The following XKR3 variants were observed in gnomAD, a reference collection of about 807,000 sequenced individuals.
The protein encoded by XKR3 is XK-related protein 3.
A neutral mutation model predicts 40.3 loss-of-function variants in XKR3; 27 were observed. That is an observed-to-expected ratio of 0.67 (90% CI 0.49 to 0.92). The LOEUF is 0.92. Among genes scored for constraint, XKR3 ranks in the 40% least tolerant of loss-of-function variants. The pLI, the probability that XKR3 is intolerant of heterozygous loss-of-function variation, is 0.00. For missense variants in XKR3, 472 were observed against 537.6 expected (o/e 0.88, Z 1.21); for synonymous variants, 193 against 195.4 (o/e 0.99, Z 0.10).
chr22:16,788,077 C>T (rs1223119025), intron 3 of XKR3, among the ~76,000 whole-genome samples: 1 of 152,122 alleles, frequency 6.6e-6, no homozygotes, highest in Admixed American at 6.6e-5. Flanking sequence ...ATATATCATA[C>T]ATTAGGCCAA....
At chr22:16,793,885 T>C (rs1305755510) in intron 3 of XKR3, among the ~76,000 whole-genome samples, 1 of 152,026 alleles carries the variant, frequency 6.6e-6, no homozygotes, top group Non-Finnish European at 1.5e-5. Flanking sequence ...AACTTCACAA[T>C]AAGAACATTA....
chr22:16,794,200 A>C (rs1479782681), intron 3 of XKR3, among the ~76,000 whole-genome samples: 8 of 152,202 alleles, frequency 5.3e-5, no homozygotes, highest in Non-Finnish European at 7.3e-5. Flanking sequence ...TAAAATAGAG[A>C]ACCCCAGCCA....
chr22:16,797,792 CAAAA>C (rs558060655), intron 3 of XKR3, among the ~76,000 whole-genome samples: 1 of 88,008 alleles, frequency 1.1e-5, no homozygotes, highest in Non-Finnish European at 2.3e-5. Context: ...GACTCTGTCT[CAAAA>C]AAAAAAAAAA....
chr22:16,797,955 C>G (rs1322032205), intron 3 of XKR3, among the ~76,000 whole-genome samples: 1 of 151,812 alleles, frequency 6.6e-6, no homozygotes, highest in Admixed American at 6.6e-5. Flanking sequence ...GGGTGGATAA[C>G]CTGAGGTCAG....
intron 1 of XKR3, 119 bp from the exon 2 acceptor site, chr22:16,808,202 G>A: frequency 1.5e-6 from 1 of 689,224 alleles, no homozygotes; most frequent in Non-Finnish European, 2.3e-6. Context: ...AGGTAGATAT[G>A]GATCACTAAT....
At chr22:16,797,677 C>T (rs930261260) in intron 3 of XKR3, among the ~76,000 whole-genome samples, 7 of 151,262 alleles carry the variant, frequency 4.6e-5, no homozygotes, top group African/African-American at 1.5e-4. Context: ...CCTGTGGTCC[C>T]AGCTGCTTGG....
chr22:16,816,581 A>T (rs2060234722), intron 1 of XKR3, among the ~76,000 whole-genome samples: 1 of 151,896 alleles, frequency 6.6e-6, no homozygotes, highest in African/African-American at 2.4e-5. Flanking sequence ...CCTGCTAAAA[A>T]ATAAAAATAA....
intron 3 of XKR3, among the ~76,000 whole-genome samples, chr22:16,787,151 A>C (rs2060094120): frequency 6.6e-6 from 1 of 152,124 alleles, no homozygotes; most frequent in African/African-American, 2.4e-5. Context: ...CCAAGCAGAA[A>C]AACTCAAGGA....
chr22:16,811,932 C>G (rs1299327892), intron 1 of XKR3, among the ~76,000 whole-genome samples: 1 of 151,974 alleles, frequency 6.6e-6, no homozygotes, highest in Admixed American at 6.5e-5. Flanking sequence ...TGGTGTGAAC[C>G]CGGGAGGCAG....
intron 3 of XKR3, among the ~76,000 whole-genome samples, chr22:16,785,340 AGT>A (rs1463050894): frequency 6.6e-6 from 1 of 151,602 alleles, no homozygotes; most frequent in African/African-American, 2.4e-5. Context: ...AAAAAAAAGA[AGT>A]GTGTGTGTGC....
intron 3 of XKR3, among the ~76,000 whole-genome samples, chr22:16,793,929 C>A (rs1451599187): frequency 2.6e-5 from 4 of 152,114 alleles, no homozygotes; most frequent in Non-Finnish European, 4.4e-5. Context: ...GGGGAATAGA[C>A]CAAGCTGAGG....
In XKR3 at chr22:16,799,239, C is replaced by T. The variant is rs184945294; in HGVS notation, c.589+532G>A. Among the ~76,000 whole-genome samples the T allele has an allele frequency of 7.0e-4, 106 of 151,258 alleles. No individual in the cohort carries two copies. The East Asian group carries it at 0.018, about 26-fold the overall frequency. On this transcript the variant is annotated intron_variant, in intron 3 of 3. Transcript: ENST00000684488. ...CCATCCTGGCTAACACAGTGAAACC[C>T]GATCTCTACTAAAAATATGAAAAAA...
At chr22:16,797,577 G>C (rs1372816771) in intron 3 of XKR3, among the ~76,000 whole-genome samples, 2 of 151,954 alleles carry the variant, frequency 1.3e-5, no homozygotes, top group African/African-American at 4.8e-5. Flanking sequence ...CAGATCACGA[G>C]GTCAGGAGAT....
chr22:16,786,025 T>C (rs2060089097), intron 3 of XKR3, among the ~76,000 whole-genome samples: 1 of 152,214 alleles, frequency 6.6e-6, no homozygotes, highest in African/African-American at 2.4e-5. Flanking sequence ...CCTTAAGGAA[T>C]ACTCAAAGTG....
intron 2 of XKR3, 150 bp from the exon 3 acceptor site, chr22:16,800,174 G>A (rs1176643128): frequency 1.2e-6 from 1 of 852,168 alleles, no homozygotes; most frequent in African/African-American, 1.7e-5. Flanking sequence ...TAAAAAATAA[G>A]TTTCTAACAG....
chr22:16,798,080 T>G (rs2060150165), intron 3 of XKR3, among the ~76,000 whole-genome samples: 1 of 150,494 alleles, frequency 6.6e-6, no homozygotes, highest in Non-Finnish European at 1.5e-5. Context: ...CCTGGGAGGC[T>G]GAGGCAGGAG....
At chr22:16,790,711 T>A (rs1358911467) in intron 3 of XKR3, among the ~76,000 whole-genome samples, 1 of 152,064 alleles carries the variant, frequency 6.6e-6, no homozygotes, top group East Asian at 1.9e-4. Context: ...AAATAGAAGT[T>A]AAATTTTAAA....
intron 3 of XKR3, among the ~76,000 whole-genome samples, chr22:16,798,626 G>T (rs192646063): frequency 6.6e-6 from 1 of 152,140 alleles, no homozygotes; most frequent in Non-Finnish European, 1.5e-5. Flanking sequence ...AATTTCTTTC[G>T]TATGGTTGCA....
chr22:16,813,678 T>C (rs1432327375), intron 1 of XKR3, among the ~76,000 whole-genome samples: 1 of 152,218 alleles, frequency 6.6e-6, no homozygotes, highest in Admixed American at 6.5e-5. Context: ...CATATACAAA[T>C]GTTCACAATT....
Sources: allele counts gnomAD v4.1 joint callset (sites outside exome capture counted in the v4.1 genomes callset), GRCh38; gene constraint gnomAD v4.1.1; transcripts MANE v1.5; gene names NCBI Gene and HGNC (gene_info 2026-07-23, HGNC 2026-07-21).